DNAJC14: variants seen among roughly 807,000 people sequenced by gnomAD.
DNAJC14 encodes the protein DnaJ heat shock protein family (Hsp40) member C14.
In DNAJC14, 12 loss-of-function variants were observed where a neutral mutation model predicts 68.8. The ratio of observed to expected loss-of-function variants is 0.17; its 90% confidence interval spans 0.11 to 0.28. The LOEUF is 0.28. Among genes scored for constraint, DNAJC14 ranks in the 10% least tolerant of loss-of-function variants. The pLI is 1.00. For missense variants in DNAJC14, 764 were observed against 875.6 expected (o/e 0.87, Z 1.61); for synonymous variants, 350 against 321.5 (o/e 1.09, Z -0.95).
At chr12:55,825,969 C>T (rs1319332082) in intron 2 of DNAJC14, among the ~76,000 whole-genome samples, 1 of 152,184 alleles carries the variant, frequency 6.6e-6, no homozygotes, top group Non-Finnish European at 1.5e-5. Flanking sequence ...TTTTCTCCTA[C>T]CTGGTGCTAA....
chr12:55,821,931 A>T lies in DNAJC14; in HGVS notation c.*46T>A, dbSNP rs768386281. 9.6e-6 allele frequency: 15 copies of T among 1,560,790 alleles called. No individual in the cohort carries two copies. In the Admixed American group the frequency reaches 1.7e-4, roughly 18 times the overall value. ...TAAATCAAACTCCATCCTGTGCTAC[A>T]GCCCTTTTGACTCCCTGACATTGAT... On this transcript the variant is annotated 3_prime_UTR_variant, in exon 7 of 7. Transcript: ENST00000678005.
At chr12:55,828,736 A>T in intron 1 of DNAJC14, 22 bp from the exon 2 acceptor site, 11 of 1,494,146 alleles carry the variant, frequency 7.4e-6, no homozygotes, top group Non-Finnish European at 9.8e-6. Context: ...ATCAAGGTGG[A>T]GACAGTCAAG....
intron 2 of DNAJC14, among the ~76,000 whole-genome samples, chr12:55,826,785 C>T (rs1193618768): frequency 2.0e-5 from 3 of 149,860 alleles, no homozygotes; most frequent in Non-Finnish European, 4.4e-5. Flanking sequence ...GGCGATAGAG[C>T]GTGACTCCGT....
intron 3 of DNAJC14, 101 bp downstream of exon 3, chr12:55,823,301 T>C: frequency 1.9e-6 from 3 of 1,597,478 alleles, no homozygotes; most frequent in Non-Finnish European, 2.6e-6. Context: ...GTGACTTCAG[T>C]TCTCTCCATC....
Position 55,821,903 on chromosome 12 carries a change from G to T in DNAJC14, c.*74C>A. On this transcript the variant is annotated 3_prime_UTR_variant, in exon 7 of 7. Coordinates refer to ENST00000678005, the MANE Select transcript of DNAJC14 (RefSeq NM_032364.6). ...CAGTTCCTAGGTGTTGGGGGAGGAG[G>T]GATAAATCAAACTCCATCCTGTGCT... The T allele has an allele frequency of 7.0e-7, 1 of 1,433,480 alleles. No individual in the cohort carries two copies. The highest frequency in any genetic ancestry group is 9.4e-7 in the Non-Finnish European group (1 of 1,058,304). The allele number at this position is 1,433,480 out of a possible 1,614,324, so 88.8% of individuals were successfully genotyped here.
Position 55,822,191 on chromosome 12 carries a change from A to G in DNAJC14, c.1899-4T>C. 6.3e-7 allele frequency: 1 copy of G among 1,575,314 alleles called. No individual in the cohort carries two copies. Among genetic ancestry groups the G allele is most frequent in the Non-Finnish European group, 8.6e-7 (1 of 1,163,026 alleles). On this transcript the variant is annotated splice_polypyrimidine_tract_variant and splice_region_variant and intron_variant, in intron 6 of 6. Transcript: ENST00000678005. Reference sequence around the variant, plus strand: ...AGGAGGGGCATCTGGGGTGGCTCTGAGGTAAAACAGAAGAAATAAGGCAAG... The same window carrying G: ...AGGAGGGGCATCTGGGGTGGCTCTGGGGTAAAACAGAAGAAATAAGGCAAG...
chr12:55,826,304 G>A (rs1000070111), intron 2 of DNAJC14, among the ~76,000 whole-genome samples: 1 of 124,596 alleles, frequency 8.0e-6, no homozygotes, highest in Non-Finnish European at 1.6e-5. Flanking sequence ...TTGAGATGGT[G>A]TGGCTTGGTT....
At position 55,827,681 on chromosome 12, in the gene DNAJC14, C is replaced by A; in HGVS notation, c.978G>T (p.Leu326=). ...GVGLFTRFLK[L]LGALLLLALA... is the part of the protein sequence containing the mutation. ...GAGCCAGGAGCAGCAAAGCACCCAG[C>A]AGCTTAAGAAAACGAGTAAACAGTC... is the stretch of plus-strand genomic sequence containing the variant. The change falls in exon 2 of 7, where the codon CTG becomes CTT. Residue 326 remains leucine (L), a synonymous_variant. Coordinates refer to ENST00000678005, the MANE Select transcript of DNAJC14 (RefSeq NM_032364.6). 1 of 1,614,016 alleles carries A rather than the reference C, an allele frequency of 6.2e-7. No individual in the cohort carries two copies. Among genetic ancestry groups the A allele is most frequent in the South Asian group, 1.1e-5 (1 of 91,058 alleles).
intron 2 of DNAJC14, among the ~76,000 whole-genome samples, chr12:55,824,921 A>G (rs1294632091): frequency 6.6e-6 from 1 of 152,124 alleles, no homozygotes; most frequent in Non-Finnish European, 1.5e-5. Flanking sequence ...GCTTGAGTCC[A>G]GGAGTTCGAG....
chr12:55,821,528 A>AC lies in DNAJC14; in HGVS notation c.*448dup, dbSNP rs943395770. 2 of 153,818 alleles carry AC rather than the reference A, an allele frequency of 1.3e-5. No homozygotes were observed. The highest frequency in any genetic ancestry group is 1.3e-4 in the Admixed American group (2 of 15,330). 9.5% of individuals were successfully genotyped at this position (153,818 alleles called of 1,614,324 possible). ...AGGCCCTAGGTTCTTTACTCTAGCT[A>AC]CCCCCTATTTCTTTGGTATTGTCAA... On this transcript the variant is annotated 3_prime_UTR_variant, in exon 7 of 7. Coordinates refer to ENST00000678005, the MANE Select transcript of DNAJC14 (RefSeq NM_032364.6).
upstream of DNAJC14, chr12:55,830,065 G>A (rs1880936944): frequency 6.6e-6 from 1 of 152,236 alleles, no homozygotes; most frequent in African/African-American, 2.4e-5. Context: ...TGGAGCAGAG[G>A]AGAGGGTGCC....
chr12:55,828,426 G>A lies in DNAJC14; in HGVS notation c.233C>T (p.Pro78Leu). 1 of 1,614,064 alleles carries A rather than the reference G, an allele frequency of 6.2e-7. No homozygotes were observed. The highest frequency in any genetic ancestry group is 8.5e-7 in the Non-Finnish European group (1 of 1,179,946). The change falls in exon 2 of 7, where the codon CCA becomes CTA. Residue 78 changes from proline (P) to leucine (L), a missense_variant. Around this residue, in one of 4 missense-constraint regions of DNAJC14, gnomAD observed 514 missense variants for 521.7 expected, o/e 0.99. Transcript: ENST00000678005. ...AHWLDPSHGP[P>L]GGPGPPRDAE... ...ATCTCTAGGTGGTCCTGGACCCCCT[G>A]GGGGGCCATGGCTTGGGTCCAACCA...
chr12:55,823,664 A>G (rs1408095036), intron 2 of DNAJC14, among the ~76,000 whole-genome samples, 156 bp from the exon 3 acceptor site: 1 of 149,566 alleles, frequency 6.7e-6, no homozygotes, highest in Non-Finnish European at 1.5e-5. Context: ...GGTTCAATTC[A>G]TGGCTCTGTT....
intron 1 of DNAJC14, chr12:55,829,080 G>A (rs1406868978): frequency 2.0e-6 from 2 of 991,828 alleles, no homozygotes; most frequent in African/African-American, 3.5e-5. Context: ...ATGCGGCCCT[G>A]GAGGAAAATC....
At chr12:55,823,038 G>T in intron 4 of DNAJC14, 32 bp downstream of exon 4, 1 of 1,611,444 alleles carries the variant, frequency 6.2e-7, no homozygotes, top group South Asian at 1.1e-5. Context: ...CCTGAGCTGT[G>T]ATTGTCCCAT....
At chr12:55,825,059 G>GA (rs1485376850) in intron 2 of DNAJC14, among the ~76,000 whole-genome samples, 1 of 150,404 alleles carries the variant, frequency 6.6e-6, no homozygotes, top group African/African-American at 2.5e-5. Context: ...AAGCCTGGGG[G>GA]ATCAAGGCTG....
rs370203322 is a variant in DNAJC14 at position 55,828,037 on chromosome 12, G to C, written c.622C>G (p.Arg208Gly). Reference sequence around the variant, plus strand: ...CTGGGATCCCTACGTCCACCCTCCCGAGTATCCTCCTTCGTTGGAAAGCGG... The same window carrying C: ...CTGGGATCCCTACGTCCACCCTCCCCAGTATCCTCCTTCGTTGGAAAGCGG... ...RHRFPTKEDT[R>G]EGGRRDPRSP... The change falls in exon 2 of 7, where the codon CGG becomes GGG. Residue 208 changes from arginine to glycine, a missense_variant. This residue lies in a region of DNAJC14 where 514 missense variants were observed against 521.7 expected (regional missense o/e 0.99). Transcript: ENST00000678005. 3 of 1,613,028 alleles carry C rather than the reference G, an allele frequency of 1.9e-6. No individual in the cohort carries two copies. Among genetic ancestry groups the C allele is most frequent in the South Asian group, 1.1e-5 (1 of 90,998 alleles).
In DNAJC14 at chr12:55,822,431, T is replaced by C. The variant is rs1880693429; in HGVS notation, c.1840A>G (p.Arg614Gly). 1 of 1,613,818 alleles carries C rather than the reference T, an allele frequency of 6.2e-7. No homozygotes were observed. Among genetic ancestry groups the C allele is most frequent in the East Asian group, 2.2e-5 (1 of 44,894 alleles). Residue 614 changes from arginine to glycine, a missense_variant, in exon 6 of 7, where the codon AGA becomes GGA. By Grantham distance (125) the Arg-to-Gly change is moderately radical. Around this residue, in one of 4 missense-constraint regions of DNAJC14, gnomAD observed 134 missense variants for 162.3 expected, o/e 0.83. Transcript: ENST00000678005. ...CCAAATGAGATGTGATAGGGGACTC[T>C]GTGGGTATCTGGGGAGATACCTACA... The part of the protein sequence containing the change: ...QRVGISPDTH[R>G]VPYHISFGSR...
chr12:55,822,426 G>A lies in DNAJC14; in HGVS notation c.1845C>T (p.Val615=), dbSNP rs901707755. ...RVGISPDTHR[V]PYHISFGSRI... is the part of the protein sequence containing the mutation. ...GAGAACCAAATGAGATGTGATAGGG[G>A]ACTCTGTGGGTATCTGGGGAGATAC... is the stretch of plus-strand genomic sequence containing the variant. The change falls in exon 6 of 7, where the codon GTC becomes GTT. Residue 615 remains valine (V), a synonymous_variant. Coordinates refer to ENST00000678005, the MANE Select transcript of DNAJC14 (RefSeq NM_032364.6). 8.7e-6 allele frequency: 14 copies of A among 1,613,648 alleles called. No individual in the cohort carries two copies. Among genetic ancestry groups the A allele is most frequent in the Non-Finnish European group, 1.2e-5 (14 of 1,180,036 alleles).
Sources: gnomAD v4.1 joint callset for allele counts (sites outside exome capture counted in the v4.1 genomes callset) on GRCh38, gnomAD v4.1.1 for gene constraint, gnomAD v4.1.1 regional missense constraint, MANE v1.5 for transcripts, NCBI Gene and HGNC (gene_info 2026-07-23, HGNC 2026-07-21) for gene names.